Variants in DCAKD observed in about 807,000 individuals in gnomAD.
DCAKD encodes the protein dephospho-CoA kinase domain containing.
A neutral mutation model predicts 18.7 loss-of-function variants in DCAKD; 15 were observed. The ratio of observed to expected loss-of-function variants is 0.80; its 90% CI spans 0.54 to 1.24. The LOEUF is 1.24. DCAKD is among the 50% of genes most tolerant of loss of function. DCAKD has a pLI of 0.00. For synonymous variants in DCAKD, 130 were observed against 133.0 expected (o/e 0.98, Z 0.16); for missense variants, 301 against 322.0 (o/e 0.93, Z 0.50).
rs547712125 is a variant in DCAKD, at chr17:45,038,620, T to A, written c.-114-3621A>T. 4.6e-5 allele frequency among the ~76,000 whole-genome samples: 7 copies of A among 152,312 alleles called. No individual in the cohort carries two copies. The South Asian group carries it at 1.4e-3, about 32-fold the overall frequency. On this transcript the variant is annotated intron_variant, in intron 1 of 4. Coordinates refer to ENST00000651974, the MANE Select transcript of DCAKD (RefSeq NM_001288655.2). ...TAATTTCTTGATTATCATACTGTTT[T>A]CTTCCTGCAGAATGGGGGCTGAGGG...
At chr17:45,036,313 G>T (rs942624087) in intron 1 of DCAKD, among the ~76,000 whole-genome samples, 1 of 152,158 alleles carries the variant, frequency 6.6e-6, no homozygotes, top group Non-Finnish European at 1.5e-5. Context: ...TGAGGAGATC[G>T]AGACCATCCT....
chr17:45,053,921 C>T (rs2053753521), upstream of DCAKD, among the ~76,000 whole-genome samples: 1 of 152,192 alleles, frequency 6.6e-6, no homozygotes. Flanking sequence ...TAAACTGTAT[C>T]TCTATTCTCT....
At chr17:45,046,161 C>G (rs939962833) in intron 1 of DCAKD, among the ~76,000 whole-genome samples, 2 of 152,102 alleles carry the variant, frequency 1.3e-5, no homozygotes, top group Admixed American at 1.3e-4. Context: ...ATCACAAAAC[C>G]TTTCCACATT....
intron 1 of DCAKD, among the ~76,000 whole-genome samples, chr17:45,047,423 C>G (rs2053593967): frequency 6.6e-6 from 1 of 151,514 alleles, no homozygotes; most frequent in African/African-American, 2.4e-5. Flanking sequence ...GCTGGGACTA[C>G]AGGCATGCAC....
At chr17:45,027,762 T>C (rs960616421) in intron 4 of DCAKD, among the ~76,000 whole-genome samples, 2 of 151,516 alleles carry the variant, frequency 1.3e-5, no homozygotes, top group African/African-American at 4.9e-5. Context: ...CCGAGACAGG[T>C]AGATCACAAG....
intron 1 of DCAKD, among the ~76,000 whole-genome samples, chr17:45,045,252 C>T (rs961275605): frequency 1.3e-5 from 2 of 152,066 alleles, no homozygotes; most frequent in African/African-American, 4.8e-5. Context: ...GAAACTGTCC[C>T]CAAATATATA....
At chr17:45,033,613 C>T (rs142125432) in intron 3 of DCAKD, among the ~76,000 whole-genome samples, 97 of 152,258 alleles carry the variant, frequency 6.4e-4, no homozygotes, top group African/African-American at 2.0e-3. Flanking sequence ...TACAGGTGCA[C>T]ACCACCATGC....
intron 1 of DCAKD, among the ~76,000 whole-genome samples, chr17:45,049,158 C>T (rs1288251897): frequency 6.6e-6 from 1 of 152,004 alleles, no homozygotes; most frequent in African/African-American, 2.4e-5. Context: ...GGAAAAAGGG[C>T]CAAGCATGGT....
chr17:45,026,871 G>C, intron 4 of DCAKD: 2 of 971,830 alleles, frequency 2.1e-6, no homozygotes, highest in Non-Finnish European at 2.4e-6. Context: ...GCTCCCAGTA[G>C]GTGCACATCC....
At chr17:45,053,889 C>T (rs1793733611), upstream of DCAKD, among the ~76,000 whole-genome samples, 1 of 152,302 alleles carries the variant, frequency 6.6e-6, no homozygotes, top group South Asian at 2.1e-4. Flanking sequence ...TTAACACCTA[C>T]CCTGTCTCCC....
At chr17:45,044,594 A>G (rs2053520295) in intron 1 of DCAKD, among the ~76,000 whole-genome samples, 1 of 152,150 alleles carries the variant, frequency 6.6e-6, no homozygotes, top group South Asian at 2.1e-4. Context: ...CAGGAGGCTG[A>G]GGCAGGACAA....
chr17:45,049,701 C>CT (rs1175357540), intron 1 of DCAKD, among the ~76,000 whole-genome samples: 2 of 120,032 alleles, frequency 1.7e-5, no homozygotes, highest in Non-Finnish European at 3.6e-5. Flanking sequence ...AGGTAATTTT[C>CT]TTTTTCTTTT....
Position 45,049,239 on chromosome 17 carries a change from G to A in DCAKD, c.-115+2122C>T, listed in dbSNP as rs72830998. On this transcript the variant is annotated intron_variant, in intron 1 of 4. Transcript: ENST00000651974. ...GATCACTTGAGACCAGGAGTCAGCC[G>A]GGGCAACATAGCAAGACCTCGTCTC... 9.3e-3 allele frequency among the ~76,000 whole-genome samples: 1,421 copies of A among 152,074 alleles called. 8 individuals carry two copies. Among genetic ancestry groups the A allele is most frequent in the South Asian group, 0.024 (114 of 4,818 alleles).
chr17:45,032,138 T>C (rs1277641128), intron 3 of DCAKD: 1 of 985,178 alleles, frequency 1.0e-6, no homozygotes, highest in East Asian at 1.1e-4. Context: ...TGGGAGAGAA[T>C]GCAGAAAGGG....
At chr17:45,057,243 A>G (rs1329149026) in intron 1 of DCAKD, among the ~76,000 whole-genome samples, 1 of 151,598 alleles carries the variant, frequency 6.6e-6, no homozygotes, top group Non-Finnish European at 1.5e-5. Flanking sequence ...AGGGTCCTCT[A>G]TGTTGCCCAG....
At chr17:45,051,664 A>C (rs1483633510), upstream of DCAKD, 1 of 145,014 alleles carries the variant, frequency 6.9e-6, no homozygotes, top group Admixed American at 7.0e-5. Flanking sequence ...TGCAGACCGG[A>C]CGTCCGGCCA....
intron 1 of DCAKD, among the ~76,000 whole-genome samples, chr17:45,042,963 A>T (rs1442922765): frequency 6.6e-6 from 1 of 152,194 alleles, no homozygotes; most frequent in Non-Finnish European, 1.5e-5. Context: ...TCCAGCTTTC[A>T]TGAATGAGCA....
At chr17:45,046,399 C>T (rs993548490) in intron 1 of DCAKD, among the ~76,000 whole-genome samples, 2 of 151,950 alleles carry the variant, frequency 1.3e-5, no homozygotes, top group Non-Finnish European at 2.9e-5. Flanking sequence ...GGGCTGATCA[C>T]GAGGTCAGGA....
At chr17:45,039,463 T>C (rs992131308) in intron 1 of DCAKD, among the ~76,000 whole-genome samples, 5 of 152,204 alleles carry the variant, frequency 3.3e-5, no homozygotes, top group African/African-American at 1.2e-4. Context: ...CCAGGCTCCA[T>C]CTACCCCAGC....
Sources: allele counts gnomAD v4.1 joint callset (sites outside exome capture counted in the v4.1 genomes callset), GRCh38; gene constraint gnomAD v4.1.1; transcripts MANE v1.5; gene names NCBI Gene and HGNC (gene_info 2026-07-23, HGNC 2026-07-21).